SHISA9: variants seen among roughly 807,000 people sequenced by gnomAD.
SHISA9 encodes the protein protein shisa-9.
Under a neutral mutation model 38.0 loss-of-function variants are expected in SHISA9, and 13 were observed. That is an observed-to-expected ratio of 0.34 (90% CI 0.22 to 0.54). The LOEUF is 0.54. Ranked by LOEUF, SHISA9 falls within the 20% of genes least tolerant of loss-of-function variation. SHISA9 has a pLI of 0.91. For missense variants in SHISA9, 538 were observed against 575.8 expected (o/e 0.93, Z 0.67); for synonymous variants, 275 against 242.0 (o/e 1.14, Z -1.27).
chr16:12,989,170 A>C (rs1185754986), intron 2 of SHISA9, among the ~76,000 whole-genome samples: 2 of 152,050 alleles, frequency 1.3e-5, no homozygotes, highest in African/African-American at 4.8e-5. Context: ...TACCACCTAA[A>C]GATAATGACA....
the SHISA9 span, among the ~76,000 whole-genome samples, chr16:13,251,667 T>G: frequency 1.3e-5 from 2 of 152,148 alleles, no homozygotes; most frequent in African/African-American, 4.8e-5. Context: ...ACCTTGAGGT[T>G]GGCTTTTCAT....
At chr16:13,379,420 T>C in the SHISA9 span, among the ~76,000 whole-genome samples, 1,216 of 152,194 alleles carry the variant, frequency 8.0e-3, 22 homozygotes, top group African/African-American at 0.028. Flanking sequence ...TCAGAGCTTT[T>C]CACGAAGAAG....
chr16:13,434,419 G>GTTTTTTTTTTTTTTT, the SHISA9 span, among the ~76,000 whole-genome samples: 3,189 of 63,814 alleles, frequency 0.05, 423 homozygotes, highest in South Asian at 0.1. Context: ...GACAAGCTAT[G>GTTTTTTTTTTTTTTT]TTTTTTTTTT....
chr16:13,249,835 C>T, the SHISA9 span, among the ~76,000 whole-genome samples: 20 of 152,244 alleles, frequency 1.3e-4, no homozygotes, highest in Admixed American at 4.6e-4. Flanking sequence ...GAGACTCAAG[C>T]GATCCCCCAG....
intron 1 of SHISA9, chr16:12,909,226 G>A: frequency 1.0e-6 from 1 of 985,510 alleles, no homozygotes; most frequent in Non-Finnish European, 1.2e-6. Context: ...CTTCATTGAA[G>A]TATAATTTAC....
the SHISA9 span, among the ~76,000 whole-genome samples, chr16:13,517,708 G>C: frequency 1.3e-5 from 2 of 152,138 alleles, no homozygotes; most frequent in Non-Finnish European, 2.9e-5. Flanking sequence ...GAAAAGAGAA[G>C]GACCTCAGAT....
the SHISA9 span, among the ~76,000 whole-genome samples, chr16:13,414,639 T>A: frequency 1.2e-5 from 1 of 82,324 alleles, no homozygotes; most frequent in African/African-American, 4.3e-5. Flanking sequence ...TTCTTTCTTC[T>A]TTCTTTCTTT....
At chr16:13,148,206 A>G (rs980760848) in intron 2 of SHISA9, among the ~76,000 whole-genome samples, 6 of 151,968 alleles carry the variant, frequency 3.9e-5, no homozygotes, top group South Asian at 2.1e-4. Flanking sequence ...CACATTTCCT[A>G]CATGCATTTC....
At chr16:13,214,136 C>CA (rs2051145735) in intron 4 of SHISA9, among the ~76,000 whole-genome samples, 1 of 152,162 alleles carries the variant, frequency 6.6e-6, no homozygotes, top group Non-Finnish European at 1.5e-5. Flanking sequence ...CACCCTTCTC[C>CA]ATATGCTTTG....
chr16:13,351,737 C>T, the SHISA9 span, among the ~76,000 whole-genome samples: 9 of 152,296 alleles, frequency 5.9e-5, no homozygotes, highest in African/African-American at 2.2e-4. Flanking sequence ...TAGCGTTCAG[C>T]TGTTGAGGTC....
intron 2 of SHISA9, among the ~76,000 whole-genome samples, chr16:13,156,246 A>G (rs2050545721): frequency 6.6e-6 from 1 of 152,202 alleles, no homozygotes; most frequent in Non-Finnish European, 1.5e-5. Flanking sequence ...AGAGCCATAT[A>G]CATGGGTGTA....
At chr16:13,072,724 G>A (rs1023621781) in intron 2 of SHISA9, among the ~76,000 whole-genome samples, 1 of 151,244 alleles carries the variant, frequency 6.6e-6, no homozygotes, top group East Asian at 1.9e-4. Flanking sequence ...GCAGTGGCAC[G>A]ATCTCAGCTC....
intron 1 of SHISA9, chr16:12,910,850 G>A: frequency 1.9e-6 from 1 of 523,058 alleles, no homozygotes. Context: ...CGACAGGCAG[G>A]AGAATTCTCT....
chr16:13,128,488 T>C (rs1448712141), intron 2 of SHISA9, among the ~76,000 whole-genome samples: 3 of 152,088 alleles, frequency 2.0e-5, no homozygotes, highest in South Asian at 4.1e-4. Context: ...AAGCCTAAAT[T>C]TTCTGGCTTG....
chr16:13,301,157 A>G, the SHISA9 span, among the ~76,000 whole-genome samples: 1 of 152,142 alleles, frequency 6.6e-6, no homozygotes, highest in Middle Eastern at 3.2e-3. Context: ...GGTGCCGACC[A>G]TCTCACCAGA....
At chr16:13,355,928 A>T in the SHISA9 span, among the ~76,000 whole-genome samples, 1 of 152,336 alleles carries the variant, frequency 6.6e-6, no homozygotes, top group East Asian at 1.9e-4. Flanking sequence ...TGAGTTGAAC[A>T]GTCCGATTTT....
intron 2 of SHISA9, among the ~76,000 whole-genome samples, chr16:12,978,963 C>A (rs969285872): frequency 2.0e-5 from 3 of 152,158 alleles, no homozygotes; most frequent in Non-Finnish European, 4.4e-5. Context: ...GTTGGGGGAA[C>A]AAAACAGTGA....
At chr16:13,016,674 T>A (rs2072761504) in intron 2 of SHISA9, among the ~76,000 whole-genome samples, 1 of 152,232 alleles carries the variant, frequency 6.6e-6, no homozygotes. Flanking sequence ...ACATTTTGTT[T>A]CATTTATTGA....
At chr16:13,013,776 G>A (rs2072707688) in intron 2 of SHISA9, among the ~76,000 whole-genome samples, 1 of 151,912 alleles carries the variant, frequency 6.6e-6, no homozygotes, top group South Asian at 2.1e-4. Context: ...CGCCCAGGCT[G>A]GAGTGCAGTG....
Sources: gnomAD v4.1 joint callset for allele counts (sites outside exome capture counted in the v4.1 genomes callset) on GRCh38, gnomAD v4.1.1 for gene constraint, MANE v1.5 for transcripts, NCBI Gene and HGNC (gene_info 2026-07-23, HGNC 2026-07-21) for gene names.